The following PEX5L variants were observed in gnomAD, a reference collection of about 807,000 sequenced individuals.
PEX5L encodes the protein PEX5-related protein.
In PEX5L, 30 loss-of-function variants were observed where a neutral mutation model predicts 84.0. The observed-to-expected ratio is 0.36, with a 90% CI of 0.27 to 0.48. PEX5L has a LOEUF of 0.48. Among genes scored for constraint, PEX5L ranks in the 20% least tolerant of loss-of-function variants. PEX5L has a pLI of 0.99. For missense variants in PEX5L, 533 were observed against 754.6 expected, an observed-to-expected ratio of 0.71 and a Z score of 3.44; for synonymous variants, 270 against 283.1, an observed-to-expected ratio of 0.95 and a Z score of 0.46.
At chr3:179,940,909 G>A (rs568146460) in intron 2 of PEX5L, among the ~76,000 whole-genome samples, 2 of 152,368 alleles carry the variant, frequency 1.3e-5, no homozygotes, top group East Asian at 3.9e-4. Context: ...AGAAACAGGA[G>A]GGGAAGAGTC....
At chr3:179,827,265 G>A (rs535972678) in intron 8 of PEX5L, among the ~76,000 whole-genome samples, 1 of 152,278 alleles carries the variant, frequency 6.6e-6, no homozygotes, top group East Asian at 1.9e-4. Context: ...AGGTGATACA[G>A]TTTCTGCCTA....
intron 2 of PEX5L, among the ~76,000 whole-genome samples, chr3:179,961,600 T>C (rs1782059900): frequency 6.6e-6 from 1 of 152,150 alleles, no homozygotes; most frequent in African/African-American, 2.4e-5. Context: ...AAAAGGGAAC[T>C]TTACTCTGTA....
intron 2 of PEX5L, among the ~76,000 whole-genome samples, chr3:179,963,107 CT>C (rs1782475687): frequency 6.6e-6 from 1 of 152,144 alleles, no homozygotes; most frequent in South Asian, 2.1e-4. Context: ...TGATGTCTCT[CT>C]TGGTGATTAC....
At position 179,856,172 on chromosome 3, in the gene PEX5L, G is replaced by T. The variant is rs535206174; in HGVS notation, c.822+2890C>A. On this transcript the variant is annotated intron_variant, in intron 8 of 14. Coordinates refer to ENST00000467460, the MANE Select transcript of PEX5L (RefSeq NM_016559.3). ...GAATAGTAATCTTACTTTCTTCATA[G>T]CACTGCTGTGATGATTAAAGGACAT... 5.3e-5 allele frequency among the ~76,000 whole-genome samples: 8 copies of T among 152,232 alleles called. No homozygotes were observed. The East Asian group carries it at 1.4e-3, about 26-fold the overall frequency.
Position 179,889,261 on chromosome 3 carries a change from G to A in PEX5L, c.199-1477C>T, listed in dbSNP as rs578219715. Among the ~76,000 whole-genome samples the A allele has an allele frequency of 2.6e-5, 4 of 152,268 alleles. No individual in the cohort carries two copies. In the South Asian group the frequency reaches 8.3e-4, roughly 32 times the overall value. On this transcript the variant is annotated intron_variant, in intron 3 of 14. Coordinates refer to ENST00000467460, the MANE Select transcript of PEX5L (RefSeq NM_016559.3). The stretch of plus-strand genomic sequence containing the variant: ...GTTTAGAGCTGATGGAAGGTGGCAG[G>A]GGACCTGAGTAATGGTAACTATGGG...
rs531740869 is a variant in PEX5L at position 179,881,892 on chromosome 3, G to A, written c.311-1769C>T. Among the ~76,000 whole-genome samples the A allele has an allele frequency of 1.6e-4, 25 of 152,342 alleles. 1 individual carries two copies. Among genetic ancestry groups the A allele is most frequent in the African/African-American group, 5.8e-4 (24 of 41,588 alleles). ...TGCTAAGATGCCCTGAGATACGAGG[G>A]ATGTTTTGGGGCTAGGAAGTACTTG... On this transcript the variant is annotated intron_variant, in intron 4 of 14. Coordinates refer to ENST00000467460, the MANE Select transcript of PEX5L (RefSeq NM_016559.3).
chr3:179,913,246 C>G (rs1765809019), intron 2 of PEX5L, among the ~76,000 whole-genome samples: 1 of 152,058 alleles, frequency 6.6e-6, no homozygotes, highest in Admixed American at 6.6e-5. Context: ...ATGTTGCCAC[C>G]AAGGTCATGG....
At chr3:179,985,693 C>T (rs112388413) in intron 1 of PEX5L, among the ~76,000 whole-genome samples, 4,741 of 152,100 alleles carry the variant, frequency 0.031, 222 homozygotes, top group African/African-American at 0.1. Flanking sequence ...TAGTTTGGGT[C>T]CTGTTAGCTT....
At chr3:179,901,051 T>C (rs1761155955) in intron 2 of PEX5L, among the ~76,000 whole-genome samples, 1 of 152,220 alleles carries the variant, frequency 6.6e-6, no homozygotes, top group African/African-American at 2.4e-5. Context: ...CGTGGGATAA[T>C]GCTTCCAGAA....
chr3:179,940,227 G>A lies in PEX5L; in HGVS notation c.93+31367C>T, dbSNP rs145002569. Among the ~76,000 whole-genome samples the A allele has an allele frequency of 1.4e-3, 213 of 152,132 alleles. 2 individuals are homozygous for A. Among genetic ancestry groups the A allele is most frequent in the African/African-American group, 4.8e-3 (199 of 41,498 alleles). ...GGGCATGGCAGCATGGCATGGATGAGGAAGGGGTGGATGAGAATGAAGCTT... is the reference window on the plus strand; with the variant it reads ...GGGCATGGCAGCATGGCATGGATGAAGAAGGGGTGGATGAGAATGAAGCTT... On this transcript the variant is annotated intron_variant, in intron 2 of 14. Transcript: ENST00000467460.
At position 180,036,776 on chromosome 3, in the gene PEX5L, T is replaced by G; in HGVS notation, c.-177A>C. 1 of 659,640 alleles carries G rather than the reference T, an allele frequency of 1.5e-6. No individual in the cohort carries two copies. The highest frequency in any genetic ancestry group is 2.8e-6 in the Non-Finnish European group (1 of 362,588). 40.9% of individuals were successfully genotyped at this position (659,640 alleles called of 1,614,324 possible). ...GCGGCCACTCGGCAGCGCTGCGGGC[T>G]GCCGGGAACTGTTCTCCGCTCGGGG... On this transcript the variant is annotated 5_prime_UTR_variant, in exon 1 of 15. Coordinates refer to ENST00000467460, the MANE Select transcript of PEX5L (RefSeq NM_016559.3).
intron 1 of PEX5L, among the ~76,000 whole-genome samples, chr3:180,007,048 A>G (rs1371379141): frequency 6.6e-6 from 1 of 152,212 alleles, no homozygotes; most frequent in Non-Finnish European, 1.5e-5. Flanking sequence ...CCAAAAGTCC[A>G]CAGTCCAAAG....
intron 10 of PEX5L, among the ~76,000 whole-genome samples, chr3:179,814,248 A>C (rs1725174368): frequency 6.6e-6 from 1 of 152,248 alleles, no homozygotes; most frequent in South Asian, 2.1e-4. Flanking sequence ...TTCTTCCTAC[A>C]TAAAGTACAA....
chr3:179,823,955 A>G (rs954359079), intron 8 of PEX5L, among the ~76,000 whole-genome samples: 2 of 152,166 alleles, frequency 1.3e-5, no homozygotes, highest in Non-Finnish European at 2.9e-5. Flanking sequence ...ATTATACTTT[A>G]AAATGTTTTC....
chr3:179,899,306 G>T (rs1042897847), intron 2 of PEX5L, among the ~76,000 whole-genome samples: 1 of 151,804 alleles, frequency 6.6e-6, no homozygotes, highest in Non-Finnish European at 1.5e-5. Context: ...CAGGTCTCTG[G>T]GTAAAGCCTC....
chr3:179,856,131 TC>T (rs1446631646), intron 8 of PEX5L, among the ~76,000 whole-genome samples: 1 of 152,214 alleles, frequency 6.6e-6, no homozygotes, highest in Non-Finnish European at 1.5e-5. Flanking sequence ...GCCTCAGTTT[TC>T]TCTTCTGAAA....
intron 8 of PEX5L, among the ~76,000 whole-genome samples, chr3:179,846,017 A>G (rs974820869): frequency 2.0e-5 from 3 of 152,134 alleles, no homozygotes; most frequent in East Asian, 1.9e-4. Flanking sequence ...TAAAAATACA[A>G]AAATTAGCCG....
intron 8 of PEX5L, among the ~76,000 whole-genome samples, chr3:179,830,068 A>G (rs1577350816): frequency 1.3e-5 from 2 of 149,110 alleles, no homozygotes; most frequent in African/African-American, 5.0e-5. Flanking sequence ...AAGTGCTGGG[A>G]TTACAGGCTT....
Position 180,036,780 on chromosome 3 carries a change from G to C in PEX5L, c.-181C>G. ...CCACTCGGCAGCGCTGCGGGCTGCC[G>C]GGAACTGTTCTCCGCTCGGGGTGCT... On this transcript the variant is annotated 5_prime_UTR_variant, in exon 1 of 15. Coordinates refer to ENST00000467460, the MANE Select transcript of PEX5L (RefSeq NM_016559.3). 3.0e-6 allele frequency: 2 copies of C among 657,252 alleles called. No individual in the cohort carries two copies. Among genetic ancestry groups the C allele is most frequent in the Non-Finnish European group, 5.5e-6 (2 of 361,780 alleles). 40.7% of individuals were successfully genotyped at this position (657,252 alleles called of 1,614,324 possible). A position where few individuals can be genotyped will look rare whatever the true frequency, so the allele number is the denominator to read the frequency against.
Sources: gnomAD v4.1 joint callset for allele counts (sites outside exome capture counted in the v4.1 genomes callset) on GRCh38, gnomAD v4.1.1 for gene constraint, MANE v1.5 for transcripts, NCBI Gene and HGNC (gene_info 2026-07-23, HGNC 2026-07-21) for gene names.